SP140L: variants seen among roughly 807,000 people sequenced by gnomAD.
The protein encoded by SP140L is SP140 like nuclear body protein, also known as nuclear body protein SP140-like protein.
A neutral mutation model predicts 84.3 loss-of-function variants in SP140L; 64 were observed. That is an observed-to-expected ratio of 0.76 (90% CI 0.62 to 0.94). The LOEUF (loss-of-function observed/expected upper bound fraction) is 0.94. SP140L is among the 40% of genes least tolerant of loss of function. The probability of loss-of-function intolerance (pLI) is 0.00; values close to 1 mark genes in which losing one functional copy is unlikely to be tolerated. For synonymous variants in SP140L, 242 were observed against 236.9 expected, an observed-to-expected ratio of 1.02 and a Z score of -0.20; for missense variants, 628 against 692.5, an observed-to-expected ratio of 0.91 and a Z score of 1.05.
chr2:230,379,407 C>T (rs928496203), intron 7 of SP140L, among the ~76,000 whole-genome samples: 6 of 152,052 alleles, frequency 3.9e-5, no homozygotes, highest in Admixed American at 3.3e-4. Flanking sequence ...ATGCCCCAAA[C>T]CCCAGAGATG....
At chr2:230,332,104 T>A (rs2149673882) in intron 2 of SP140L, among the ~76,000 whole-genome samples, 1 of 152,300 alleles carries the variant, frequency 6.6e-6, no homozygotes, top group South Asian at 2.1e-4. Flanking sequence ...TTTATCAAGA[T>A]AAGGACATTT....
At chr2:230,370,107 T>C (rs962764934) in intron 5 of SP140L, among the ~76,000 whole-genome samples, 16 of 152,226 alleles carry the variant, frequency 1.1e-4, no homozygotes, top group Non-Finnish European at 2.9e-5. Flanking sequence ...TAGTATTTTC[T>C]GGAATGATAA....
At chr2:230,355,166 C>T (rs529288624) in intron 2 of SP140L, among the ~76,000 whole-genome samples, 12 of 152,106 alleles carry the variant, frequency 7.9e-5, no homozygotes, top group Admixed American at 6.5e-4. Flanking sequence ...ACAGTGAATC[C>T]GTCTTTATTT....
At chr2:230,370,875 A>G in intron 5 of SP140L, 33 bp from the exon 6 acceptor site, 1 of 1,608,598 alleles carries the variant, frequency 6.2e-7, no homozygotes, top group Non-Finnish European at 8.5e-7. Context: ...GCATGTGAAA[A>G]TGAGAAGTGT....
intron 14 of SP140L, 25 bp downstream of exon 14, chr2:230,396,823 C>T (rs538089540): frequency 4.8e-5 from 78 of 1,612,482 alleles, no homozygotes; most frequent in Non-Finnish European, 6.6e-5. Flanking sequence ...TGAACTACAA[C>T]CCCCAGAATA....
At chr2:230,372,732 A>C (rs2061123546) in intron 7 of SP140L, 1 of 151,148 alleles carries the variant, frequency 6.6e-6, no homozygotes, top group African/African-American at 2.4e-5. Flanking sequence ...CTCAAAAAAA[A>C]AAAAAAAAAA....
rs577060656 is a variant in SP140L, at chr2:230,402,273, T to C, written c.1644+466T>C. Among the ~76,000 whole-genome samples, 3 of 152,280 alleles carry C rather than the reference T, an allele frequency of 2.0e-5. No homozygotes were observed. The South Asian group carries it at 6.2e-4, about 32-fold the overall frequency. On this transcript the variant is annotated intron_variant, in intron 18 of 18. Transcript: ENST00000415673. ...GATCAGTGATCTTACCTTATACCCTTCCACTATCTGAATTGTTGAAAGAAC... is the reference window on the plus strand; with the variant it reads ...GATCAGTGATCTTACCTTATACCCTCCCACTATCTGAATTGTTGAAAGAAC...
intron 7 of SP140L, among the ~76,000 whole-genome samples, chr2:230,374,733 T>C (rs1264037153): frequency 6.6e-6 from 1 of 152,198 alleles, no homozygotes; most frequent in Non-Finnish European, 1.5e-5. Flanking sequence ...GAAATTATGA[T>C]TTTCTGAAGG....
chr2:230,402,730 C>A, intron 18 of SP140L, 68 bp from the exon 19 acceptor site: 2 of 1,180,282 alleles, frequency 1.7e-6, no homozygotes, highest in Non-Finnish European at 2.5e-6. Context: ...TGATCATTCT[C>A]AGTTGAAAGG....
rs377106592 is a variant in SP140L, at chr2:230,342,148, C to T, written c.107+13317C>T. 14 of 166,750 alleles carry T rather than the reference C, an allele frequency of 8.4e-5. No individual in the cohort carries two copies. In the East Asian group the frequency reaches 1.8e-3, roughly 22 times the overall value. 10.3% of individuals were successfully genotyped at this position (166,750 alleles called of 1,614,324 possible). On this transcript the variant is annotated intron_variant, in intron 2 of 18. Coordinates refer to ENST00000415673, the MANE Select transcript of SP140L (RefSeq NM_138402.6). ...GCTGTGCTAGCAATCAGTGAGAGTC[C>T]GTGGGCGTAGGACCTTCCGAGCCAG...
chr2:230,363,713 T>A (rs979767969), intron 5 of SP140L, among the ~76,000 whole-genome samples: 3 of 131,088 alleles, frequency 2.3e-5, no homozygotes, highest in Non-Finnish European at 4.6e-5. Context: ...TTTGTGATTG[T>A]GTTTTTGGTG....
Position 230,403,264 on chromosome 2 carries a change from C to T in SP140L, c.*368C>T, listed in dbSNP as rs373134291. 6.3e-5 allele frequency: 11 copies of T among 175,000 alleles called. No individual in the cohort carries two copies. In the East Asian group the frequency reaches 1.6e-3, roughly 26 times the overall value. The allele number at this position is 175,000 out of a possible 1,614,324, so 10.8% of individuals were successfully genotyped here. ...GTCACCCGGGATTGGAATGCAATGG[C>T]GCGATCTCAGCTCACTGCAACCTCT... On this transcript the variant is annotated 3_prime_UTR_variant, in exon 19 of 19. Transcript: ENST00000415673.
At chr2:230,398,632 C>T (rs1473674819) in intron 14 of SP140L, among the ~76,000 whole-genome samples, 4 of 152,226 alleles carry the variant, frequency 2.6e-5, no homozygotes, top group East Asian at 3.8e-4. Flanking sequence ...CACCTCTGAA[C>T]GTGTATCCTC....
intron 14 of SP140L, among the ~76,000 whole-genome samples, chr2:230,399,377 G>A: frequency 6.6e-6 from 1 of 152,178 alleles, no homozygotes; most frequent in East Asian, 1.9e-4. Flanking sequence ...CAAAGCACCA[G>A]CTCTTTTATG....
intron 13 of SP140L, among the ~76,000 whole-genome samples, chr2:230,395,939 T>G (rs6707728): frequency 0.7 from 107,245 of 152,180 alleles, 38,448 homozygotes; most frequent in Non-Finnish European, 0.75. Context: ...GACCTTGGAG[T>G]CATTTTATCA....
At chr2:230,337,905 G>A (rs913385074) in intron 2 of SP140L, among the ~76,000 whole-genome samples, 4 of 151,782 alleles carry the variant, frequency 2.6e-5, no homozygotes, top group African/African-American at 9.7e-5. Flanking sequence ...TAGCCCTGTA[G>A]TATAGTTTGA....
intron 7 of SP140L, chr2:230,372,642 A>G (rs1232860540): frequency 1.3e-5 from 2 of 149,334 alleles, no homozygotes; most frequent in African/African-American, 2.5e-5. Context: ...GGAGAATGGC[A>G]TGAACCTGGG....
At chr2:230,366,431 T>A (rs2060872148) in intron 5 of SP140L, among the ~76,000 whole-genome samples, 1 of 152,048 alleles carries the variant, frequency 6.6e-6, no homozygotes, top group Non-Finnish European at 1.5e-5. Flanking sequence ...GATATAAGTA[T>A]AGCTACTCCT....
chr2:230,349,115 T>TG (rs1426208399), intron 2 of SP140L, among the ~76,000 whole-genome samples: 1 of 152,250 alleles, frequency 6.6e-6, no homozygotes, highest in East Asian at 1.9e-4. Context: ...CAATTCTACT[T>TG]GTAGTATTTG....
Sources: allele counts gnomAD v4.1 joint callset (sites outside exome capture counted in the v4.1 genomes callset), GRCh38; gene constraint gnomAD v4.1.1; transcripts MANE v1.5; gene names NCBI Gene and HGNC (gene_info 2026-07-23, HGNC 2026-07-21).